The following RPS6KC1 variants were observed in gnomAD, a reference collection of about 807,000 sequenced individuals.
RPS6KC1 encodes the protein inactive ribosomal protein S6 kinase delta-1.
Under a neutral mutation model 103.8 loss-of-function variants are expected in RPS6KC1, and 54 were observed. That is an observed-to-expected ratio of 0.52 (90% CI 0.42 to 0.65). RPS6KC1 has a LOEUF of 0.65. Ranked by LOEUF, RPS6KC1 falls within the 30% of genes least tolerant of loss-of-function variation. The probability of loss-of-function intolerance (pLI) is 0.00; values close to 1 mark genes in which losing one functional copy is unlikely to be tolerated. For synonymous variants in RPS6KC1, 439 were observed against 438.7 expected, an observed-to-expected ratio of 1.00 and a Z score of -0.01; for missense variants, 1,151 against 1,253.8, an observed-to-expected ratio of 0.92 and a Z score of 1.24.
chr1:213,722,572 T>G, the RPS6KC1 span, among the ~76,000 whole-genome samples: 27 of 152,318 alleles, frequency 1.8e-4, no homozygotes, highest in African/African-American at 6.5e-4. Context: ...TATTTGTGTT[T>G]GTACTTGTTT....
chr1:213,131,664 G>T (rs773197200), intron 6 of RPS6KC1, among the ~76,000 whole-genome samples: 110 of 152,102 alleles, frequency 7.2e-4, no homozygotes, highest in Non-Finnish European at 3.2e-4. Flanking sequence ...GGCTGGTCTC[G>T]AACTACTGAC....
At chr1:213,724,388 C>T in the RPS6KC1 span, among the ~76,000 whole-genome samples, 1 of 152,192 alleles carries the variant, frequency 6.6e-6, no homozygotes, top group Non-Finnish European at 1.5e-5. Context: ...CCTTTTGTAG[C>T]TTTCTTAACT....
At chr1:213,725,431 G>T in the RPS6KC1 span, among the ~76,000 whole-genome samples, 24 of 152,356 alleles carry the variant, frequency 1.6e-4, no homozygotes, top group East Asian at 4.6e-3. Context: ...GCCAGCAGAT[G>T]CCCAGGACAA....
At chr1:213,272,489 G>T in intron 14 of RPS6KC1, 35 bp from the exon 15 acceptor site, 1 of 1,504,410 alleles carries the variant, frequency 6.6e-7, no homozygotes, top group South Asian at 1.1e-5. Context: ...TTGCCAGTTG[G>T]ATTCCTGTTA....
At chr1:213,320,997 C>A in the RPS6KC1 span, among the ~76,000 whole-genome samples, 1 of 152,118 alleles carries the variant, frequency 6.6e-6, no homozygotes, top group African/African-American at 2.4e-5. Flanking sequence ...GGGCTTTGGA[C>A]AAGGGTGAGG....
intron 6 of RPS6KC1, among the ~76,000 whole-genome samples, chr1:213,151,774 G>A (rs1426783601): frequency 4.5e-5 from 6 of 133,038 alleles, no homozygotes; most frequent in South Asian, 2.3e-4. Flanking sequence ...CTGGCCTGGC[G>A]GGGGGCTGAC....
intron 13 of RPS6KC1, among the ~76,000 whole-genome samples, chr1:213,262,124 A>G (rs1452790760): frequency 6.6e-6 from 1 of 152,204 alleles, no homozygotes; most frequent in African/African-American, 2.4e-5. Flanking sequence ...CTCTCAGATG[A>G]ATGACTTTTG....
intron 8 of RPS6KC1, among the ~76,000 whole-genome samples, chr1:213,221,883 A>C (rs1280094710): frequency 6.6e-6 from 1 of 152,170 alleles, no homozygotes; most frequent in Non-Finnish European, 1.5e-5. Flanking sequence ...CTAAGAAGAG[A>C]TGTGGATTTT....
the RPS6KC1 span, among the ~76,000 whole-genome samples, chr1:213,687,300 G>T: frequency 6.6e-6 from 1 of 152,148 alleles, no homozygotes; most frequent in Non-Finnish European, 1.5e-5. Flanking sequence ...TTATAGAGAG[G>T]CTTAAATAAC....
At chr1:213,801,227 G>A in the RPS6KC1 span, among the ~76,000 whole-genome samples, 2 of 152,054 alleles carry the variant, frequency 1.3e-5, no homozygotes, top group Non-Finnish European at 2.9e-5. Flanking sequence ...CTTCCAAGAG[G>A]TCAAATCATA....
intron 6 of RPS6KC1, among the ~76,000 whole-genome samples, chr1:213,151,454 CG>C (rs2088883881): frequency 7.7e-6 from 1 of 129,306 alleles, no homozygotes; most frequent in Non-Finnish European, 1.7e-5. Flanking sequence ...CCGGATGGGG[CG>C]GCTGGCCGGG....
At chr1:213,818,944 T>A in the RPS6KC1 span, 42 of 152,372 alleles carry the variant, frequency 2.8e-4, 1 homozygote, top group Admixed American at 1.8e-3. Flanking sequence ...CTCCTCCGTA[T>A]CCATACATGG....
At chr1:213,231,974 G>A in intron 9 of RPS6KC1, 149 bp from the exon 10 acceptor site, 1 of 909,882 alleles carries the variant, frequency 1.1e-6, no homozygotes, top group Non-Finnish European at 1.7e-6. Context: ...CCAGGGACTG[G>A]GGGGCATAGA....
At chr1:213,152,240 C>T (rs997651526) in intron 6 of RPS6KC1, among the ~76,000 whole-genome samples, 4 of 146,050 alleles carry the variant, frequency 2.7e-5, no homozygotes, top group Non-Finnish European at 6.1e-5. Flanking sequence ...CTGATGCCCC[C>T]ACCTCCCTCC....
intron 12 of RPS6KC1, among the ~76,000 whole-genome samples, chr1:213,248,635 C>T (rs943338417): frequency 2.6e-5 from 4 of 152,056 alleles, no homozygotes; most frequent in African/African-American, 9.7e-5. Context: ...CCTTGTGGTG[C>T]AAAGAAGATT....
chr1:213,546,377 A>T, the RPS6KC1 span: 1 of 152,168 alleles, frequency 6.6e-6, no homozygotes, highest in Non-Finnish European at 1.5e-5. Flanking sequence ...TCACTGATTC[A>T]CTTGGCTAGT....
At chr1:213,226,612 C>T (rs895033622) in intron 8 of RPS6KC1, among the ~76,000 whole-genome samples, 3 of 152,162 alleles carry the variant, frequency 2.0e-5, no homozygotes, top group Non-Finnish European at 4.4e-5. Context: ...ATTTTCTTAT[C>T]ACTCATTATG....
At chr1:213,203,810 CTG>C (rs2093251792) in intron 8 of RPS6KC1, among the ~76,000 whole-genome samples, 1 of 152,186 alleles carries the variant, frequency 6.6e-6, no homozygotes, top group Non-Finnish European at 1.5e-5. Flanking sequence ...CCCCATTAGC[CTG>C]TGTTTTCACA....
At chr1:213,151,372 G>T (rs1414887770) in intron 6 of RPS6KC1, among the ~76,000 whole-genome samples, 1 of 128,664 alleles carries the variant, frequency 7.8e-6, no homozygotes, top group African/African-American at 2.9e-5. Context: ...CCTCCCGGAC[G>T]GGGCGGCTGG....
Sources: gnomAD v4.1 joint callset for allele counts (sites outside exome capture counted in the v4.1 genomes callset) on GRCh38, gnomAD v4.1.1 for gene constraint, MANE v1.5 for transcripts, NCBI Gene and HGNC (gene_info 2026-07-23, HGNC 2026-07-21) for gene names.